Variants in RIMS1 observed in about 807,000 individuals in gnomAD.
The protein encoded by RIMS1 is regulating synaptic membrane exocytosis protein 1.
In RIMS1, 83 loss-of-function variants were observed where a neutral mutation model predicts 214.1. The observed-to-expected ratio is 0.39, with a 90% CI of 0.32 to 0.47. RIMS1 has a LOEUF of 0.47. Ranked by LOEUF, RIMS1 falls within the 20% of genes least tolerant of loss-of-function variation. The pLI is 0.99. For synonymous variants in RIMS1, 793 were observed against 786.8 expected (o/e 1.01, Z -0.13); for missense variants, 2,050 against 2,161.8 (o/e 0.95, Z 1.03).
At chr6:72,147,594 A>G (rs769261310) in intron 4 of RIMS1, among the ~76,000 whole-genome samples, 1 of 152,204 alleles carries the variant, frequency 6.6e-6, no homozygotes, top group Non-Finnish European at 1.5e-5. Flanking sequence ...GTGTGTGTGC[A>G]TTAACAGTGA....
chr6:72,231,398 AC>A (rs2061921185), intron 6 of RIMS1, among the ~76,000 whole-genome samples: 1 of 151,746 alleles, frequency 6.6e-6, no homozygotes, highest in African/African-American at 2.4e-5. Flanking sequence ...ATAATTGTAT[AC>A]TAAAATATAT....
At chr6:71,903,747 A>AGTGT (rs202222563) in intron 1 of RIMS1, among the ~76,000 whole-genome samples, 2 of 151,584 alleles carry the variant, frequency 1.3e-5, no homozygotes, top group Admixed American at 6.6e-5. Context: ...AAGGATTAGT[A>AGTGT]GTGTGTGTGT....
chr6:71,892,947 C>G (rs2150360321), intron 1 of RIMS1, among the ~76,000 whole-genome samples: 1 of 152,236 alleles, frequency 6.6e-6, no homozygotes, highest in Non-Finnish European at 1.5e-5. Flanking sequence ...TGAACATTGT[C>G]AAGATAATCC....
At chr6:71,928,226 A>G (rs995534659) in intron 1 of RIMS1, among the ~76,000 whole-genome samples, 1 of 152,162 alleles carries the variant, frequency 6.6e-6, no homozygotes, top group Non-Finnish European at 1.5e-5. Flanking sequence ...ACAACAGATA[A>G]ATAATTTCAT....
At chr6:72,058,469 T>C (rs1826954719) in intron 2 of RIMS1, among the ~76,000 whole-genome samples, 1 of 152,234 alleles carries the variant, frequency 6.6e-6, no homozygotes, top group South Asian at 2.1e-4. Context: ...CCTCTGGGGT[T>C]GCACTGCCTG....
intron 29 of RIMS1, among the ~76,000 whole-genome samples, chr6:72,390,305 A>G (rs976851467): frequency 3.3e-5 from 5 of 152,206 alleles, no homozygotes; most frequent in African/African-American, 1.2e-4. Flanking sequence ...TGCCAAATTC[A>G]GATTTTCATT....
intron 2 of RIMS1, among the ~76,000 whole-genome samples, chr6:71,969,561 C>T (rs1179807178): frequency 1.3e-5 from 2 of 152,164 alleles, no homozygotes; most frequent in African/African-American, 4.8e-5. Flanking sequence ...GTAATCCCAG[C>T]ACTTTTGAAG....
At chr6:72,014,576 G>A (rs931519545) in intron 2 of RIMS1, among the ~76,000 whole-genome samples, 3 of 152,138 alleles carry the variant, frequency 2.0e-5, no homozygotes, top group African/African-American at 7.2e-5. Flanking sequence ...GAACATTCAT[G>A]TATAGGTTTT....
intron 1 of RIMS1, among the ~76,000 whole-genome samples, chr6:71,900,764 G>T (rs1773363927): frequency 6.6e-6 from 1 of 152,086 alleles, no homozygotes; most frequent in South Asian, 2.1e-4. Context: ...TGAGAAATCC[G>T]AGAGAGATAT....
intron 1 of RIMS1, among the ~76,000 whole-genome samples, chr6:71,963,733 C>T (rs1324381053): frequency 6.6e-6 from 1 of 152,040 alleles, no homozygotes; most frequent in African/African-American, 2.4e-5. Flanking sequence ...AATCATAAAA[C>T]TTTTTGGTTA....
intron 2 of RIMS1, among the ~76,000 whole-genome samples, chr6:72,081,090 G>T (rs1014718913): frequency 6.6e-6 from 1 of 152,134 alleles, no homozygotes; most frequent in African/African-American, 2.4e-5. Context: ...CAGTTCAATT[G>T]AACTCTAAAT....
At chr6:72,260,915 T>C in intron 19 of RIMS1, 148 bp downstream of exon 19, 3 of 1,496,374 alleles carry the variant, frequency 2.0e-6, no homozygotes, top group Non-Finnish European at 2.7e-6. Flanking sequence ...TATATTGAGG[T>C]TATGGAAAAG....
chr6:72,122,488 G>C (rs1385931000), intron 4 of RIMS1, among the ~76,000 whole-genome samples: 1 of 151,692 alleles, frequency 6.6e-6, no homozygotes, highest in Non-Finnish European at 1.5e-5. Flanking sequence ...TTACAGGCAT[G>C]AGCCACCACA....
At position 72,164,491 on chromosome 6, in the gene RIMS1, G is replaced by A. The variant is rs575523205; in HGVS notation, c.472-15084G>A. 6.6e-5 allele frequency among the ~76,000 whole-genome samples: 10 copies of A among 152,286 alleles called. No homozygotes were observed. The South Asian group carries it at 1.2e-3, about 19-fold the overall frequency. ...CCGTCTTCTGCATCGCTCACGCCTG[G>A]AGCTGTAGACTGGAGCTGTTCCTAT... is the stretch of plus-strand genomic sequence containing the variant. On this transcript the variant is annotated intron_variant, in intron 4 of 33. Coordinates refer to ENST00000521978, the MANE Select transcript of RIMS1 (RefSeq NM_014989.7).
intron 1 of RIMS1, among the ~76,000 whole-genome samples, chr6:71,923,307 CTTTG>C (rs1324707595): frequency 2.6e-5 from 4 of 152,158 alleles, no homozygotes; most frequent in South Asian, 2.1e-4. Context: ...ATGCAGTGCT[CTTTG>C]TTTGATTGAA....
At chr6:72,303,484 G>A (rs1050443198) in intron 26 of RIMS1, among the ~76,000 whole-genome samples, 1 of 151,236 alleles carries the variant, frequency 6.6e-6, no homozygotes, top group East Asian at 1.9e-4. Context: ...TTTGAAAATT[G>A]TAATAATTAC....
At chr6:72,111,064 T>C (rs2035979184) in intron 4 of RIMS1, among the ~76,000 whole-genome samples, 1 of 152,200 alleles carries the variant, frequency 6.6e-6, no homozygotes, top group Non-Finnish European at 1.5e-5. Context: ...TGAGTCTGTT[T>C]TGGATGTCTT....
chr6:72,248,853 G>A (rs1328130108), intron 12 of RIMS1, among the ~76,000 whole-genome samples: 3 of 152,110 alleles, frequency 2.0e-5, no homozygotes, highest in Non-Finnish European at 2.9e-5. Flanking sequence ...TAAGCTTATT[G>A]CTCAAGGGCT....
intron 1 of RIMS1, among the ~76,000 whole-genome samples, chr6:71,935,118 T>C (rs1433945099): frequency 6.6e-6 from 1 of 152,242 alleles, no homozygotes; most frequent in Middle Eastern, 3.2e-3. Context: ...ATCGGTTTCC[T>C]TGGAGCTTTC....
Sources: allele counts gnomAD v4.1 joint callset (sites outside exome capture counted in the v4.1 genomes callset), GRCh38; gene constraint gnomAD v4.1.1; transcripts MANE v1.5; gene names NCBI Gene and HGNC (gene_info 2026-07-23, HGNC 2026-07-21).